The following IMMP2L variants were observed in gnomAD, a reference collection of about 807,000 sequenced individuals.
IMMP2L encodes inner mitochondrial membrane peptidase subunit 2.
IMMP2L carries 18 observed loss-of-function variants against 19.3 expected under a neutral mutation model. The ratio of observed to expected loss-of-function variants is 0.93; its 90% CI spans 0.64 to 1.38. The LOEUF (loss-of-function observed/expected upper bound fraction) is 1.38, where lower values mean the gene tolerates loss of function less well. Ranked by LOEUF, IMMP2L falls within the 40% of genes most tolerant of loss-of-function variation. The pLI is 0.00. For synonymous variants in IMMP2L, 76 were observed against 73.0 expected, an observed-to-expected ratio of 1.04 and a Z score of -0.21; for missense variants, 233 against 218.2, an observed-to-expected ratio of 1.07 and a Z score of -0.43.
intron 1 of IMMP2L, among the ~76,000 whole-genome samples, chr7:111,536,165 T>C (rs1847868418): frequency 6.6e-6 from 1 of 152,178 alleles, no homozygotes; most frequent in Non-Finnish European, 1.5e-5. Flanking sequence ...TTTCTGAATC[T>C]GAGCAATACT....
rs534711671 is a variant in IMMP2L at position 111,547,841 on chromosome 7, C to A, written c.-3+14010G>T. On this transcript the variant is annotated intron_variant, in intron 1 of 5. Coordinates refer to ENST00000405709, the MANE Select transcript of IMMP2L (RefSeq NM_032549.4). ...TCTCAAACACTCCTCCCACCTCAGC[C>A]TCCCAAGGAGCTGGGACCAGAGGCA... Among the ~76,000 whole-genome samples, 3 of 152,102 alleles carry A rather than the reference C, an allele frequency of 2.0e-5. No individual in the cohort carries two copies. The South Asian group carries it at 6.2e-4, about 32-fold the overall frequency.
intron 3 of IMMP2L, among the ~76,000 whole-genome samples, chr7:111,239,052 A>G (rs970630582): frequency 6.6e-6 from 1 of 151,948 alleles, no homozygotes; most frequent in African/African-American, 2.4e-5. Flanking sequence ...AACCTTTCCA[A>G]TATCTCTGCC....
Position 111,380,322 on chromosome 7 carries a change from A to C in IMMP2L, c.239+106916T>G, listed in dbSNP as rs889701120. Among the ~76,000 whole-genome samples, 5 of 151,986 alleles carry C rather than the reference A, an allele frequency of 3.3e-5. No homozygotes were observed. The South Asian group carries it at 1.0e-3, about 31-fold the overall frequency. On this transcript the variant is annotated intron_variant, in intron 3 of 5. Transcript: ENST00000405709. ...ATAGATTATATATTCATTGACTCCT[A>C]CAACATGCTTCAGCCAGATAATGAT...
chr7:111,255,019 T>A (rs1562972036), intron 3 of IMMP2L, among the ~76,000 whole-genome samples: 2 of 152,116 alleles, frequency 1.3e-5, no homozygotes, highest in Non-Finnish European at 2.9e-5. Context: ...CTACTTTAAA[T>A]TTTTAATCTA....
intron 2 of IMMP2L, among the ~76,000 whole-genome samples, chr7:111,506,349 G>A (rs1329676088): frequency 6.6e-6 from 1 of 152,012 alleles, no homozygotes; most frequent in Non-Finnish European, 1.5e-5. Flanking sequence ...AAATGTTGTA[G>A]ACTTCCCATT....
At chr7:110,820,690 AT>A (rs1167624268) in intron 5 of IMMP2L, among the ~76,000 whole-genome samples, 1 of 152,012 alleles carries the variant, frequency 6.6e-6, no homozygotes, top group African/African-American at 2.4e-5. Context: ...CTGCAATGTT[AT>A]TGTCTATAAG....
chr7:110,769,380 A>G (rs1015025531), intron 5 of IMMP2L, among the ~76,000 whole-genome samples: 1 of 152,184 alleles, frequency 6.6e-6, no homozygotes, highest in Non-Finnish European at 1.5e-5. Context: ...TCATTTGCAT[A>G]TAAGCTTTTA....
intron 3 of IMMP2L, among the ~76,000 whole-genome samples, chr7:111,156,485 C>T (rs752470395): frequency 1.3e-5 from 2 of 152,032 alleles, no homozygotes; most frequent in Admixed American, 6.6e-5. Context: ...TACTCTTGGG[C>T]GTTTGCATTT....
chr7:111,372,940 G>C (rs930816335), intron 3 of IMMP2L, among the ~76,000 whole-genome samples: 1 of 151,936 alleles, frequency 6.6e-6, no homozygotes, highest in Admixed American at 6.6e-5. Flanking sequence ...TAGGGTAAAA[G>C]TGAACATAAA....
chr7:111,428,756 C>T (rs1331407879), intron 3 of IMMP2L, among the ~76,000 whole-genome samples: 1 of 151,768 alleles, frequency 6.6e-6, no homozygotes, highest in Admixed American at 6.6e-5. Flanking sequence ...CCTTTCCAAA[C>T]CTATTAATGC....
intron 3 of IMMP2L, among the ~76,000 whole-genome samples, chr7:110,993,962 T>C (rs989974155): frequency 2.6e-5 from 4 of 152,042 alleles, no homozygotes; most frequent in Non-Finnish European, 4.4e-5. Flanking sequence ...GTCTTGTCTC[T>C]GCCCTTTGTT....
At chr7:111,150,970 G>A (rs1422928956) in intron 3 of IMMP2L, among the ~76,000 whole-genome samples, 2 of 152,180 alleles carry the variant, frequency 1.3e-5, no homozygotes, top group East Asian at 3.9e-4. Flanking sequence ...AGGAAAAGCT[G>A]TTTCCCACCA....
intron 5 of IMMP2L, among the ~76,000 whole-genome samples, chr7:110,730,493 G>T (rs1796189504): frequency 1.3e-5 from 2 of 151,776 alleles, no homozygotes; most frequent in African/African-American, 4.8e-5. Context: ...GACTTTTGAG[G>T]TTTTGGGAGT....
At chr7:111,182,176 C>G (rs1415276073) in intron 3 of IMMP2L, among the ~76,000 whole-genome samples, 1 of 151,970 alleles carries the variant, frequency 6.6e-6, no homozygotes, top group Non-Finnish European at 1.5e-5. Flanking sequence ...ATCTATCTAA[C>G]TGTCCATCAC....
intron 3 of IMMP2L, among the ~76,000 whole-genome samples, chr7:111,323,193 T>C (rs1824928107): frequency 6.6e-6 from 1 of 151,636 alleles, no homozygotes; most frequent in Non-Finnish European, 1.5e-5. Context: ...AAAAGCTGGT[T>C]CTTTCAGGCA....
At chr7:111,055,912 A>T (rs1045111317) in intron 3 of IMMP2L, among the ~76,000 whole-genome samples, 29 of 152,338 alleles carry the variant, frequency 1.9e-4, no homozygotes, top group Admixed American at 1.5e-3. Context: ...TATCATATTG[A>T]TGTATGTGTG....
At chr7:111,020,345 T>G (rs962479699) in intron 3 of IMMP2L, among the ~76,000 whole-genome samples, 1 of 151,872 alleles carries the variant, frequency 6.6e-6, no homozygotes, top group African/African-American at 2.4e-5. Context: ...GATCGCACCA[T>G]GGCACTCCAG....
At chr7:110,765,977 T>C (rs1050365443) in intron 5 of IMMP2L, among the ~76,000 whole-genome samples, 2 of 152,162 alleles carry the variant, frequency 1.3e-5, no homozygotes, top group Non-Finnish European at 1.5e-5. Flanking sequence ...CAGTGTGTGG[T>C]TGTGCACATT....
rs1229931663 is a variant in IMMP2L, at chr7:110,701,417, A to T, written c.409-37696T>A. Among the ~76,000 whole-genome samples, 3 of 150,564 alleles carry T rather than the reference A, an allele frequency of 2.0e-5. No homozygotes were observed. In the East Asian group the frequency reaches 5.8e-4, roughly 29 times the overall value. On this transcript the variant is annotated intron_variant, in intron 5 of 5. Coordinates refer to ENST00000405709, the MANE Select transcript of IMMP2L (RefSeq NM_032549.4). ...AAATCTTGGGAAACATGACAAAAGA[A>T]TTTTTTTTTTAATTTTTGTTTTTTT...
Sources: allele counts gnomAD v4.1 joint callset (sites outside exome capture counted in the v4.1 genomes callset), GRCh38; gene constraint gnomAD v4.1.1; transcripts MANE v1.5; gene names NCBI Gene and HGNC (gene_info 2026-07-23, HGNC 2026-07-21).